ZC3H12B: variants seen among roughly 807,000 people sequenced by gnomAD.
The protein encoded by ZC3H12B is zinc finger CCCH-type containing 12B.
A neutral mutation model predicts 43.9 loss-of-function variants in ZC3H12B; 7 were observed. The observed-to-expected ratio is 0.16, with a 90% CI of 0.09 to 0.30. The LOEUF (loss-of-function observed/expected upper bound fraction) is 0.30, where lower values mean the gene tolerates loss of function less well. Ranked by LOEUF, ZC3H12B falls within the 10% of genes least tolerant of loss-of-function variation. The pLI is 1.00. For missense variants in ZC3H12B, 475 were observed against 670.2 expected, an observed-to-expected ratio of 0.71 and a Z score of 3.22; for synonymous variants, 222 against 241.7, an observed-to-expected ratio of 0.92 and a Z score of 0.76.
the ZC3H12B span, among the ~76,000 whole-genome samples, chrX:65,195,889 G>A: frequency 8.9e-6 from 1 of 112,087 alleles, no homozygotes; most frequent in African/African-American, 3.2e-5. Context: ...CTGGAACCTG[G>A]CCTTTAATCT....
chrX:65,434,326 G>C (rs1375605751), intron 3 of ZC3H12B, among the ~76,000 whole-genome samples: 1 of 112,020 alleles, frequency 8.9e-6, no homozygotes, highest in Admixed American at 9.5e-5. Context: ...GGTTTTAAGT[G>C]ACAAATCCAC....
the ZC3H12B span, among the ~76,000 whole-genome samples, chrX:65,273,853 A>T: frequency 9.4e-4 from 106 of 112,630 alleles, no homozygotes; most frequent in African/African-American, 3.3e-3. Context: ...TGCCAAAACT[A>T]AACTTCAGAA....
chrX:65,181,751 A>C, the ZC3H12B span, among the ~76,000 whole-genome samples: 5 of 112,089 alleles, frequency 4.5e-5, no homozygotes, highest in Non-Finnish European at 9.4e-5. Context: ...GTTAGGAAAC[A>C]ACAGATGCTG....
At chrX:65,155,720 C>T in the ZC3H12B span, among the ~76,000 whole-genome samples, 2 of 110,589 alleles carry the variant, frequency 1.8e-5, no homozygotes, top group Admixed American at 9.7e-5. Context: ...ATTAGCCAGG[C>T]GTGGTGGCAG....
chrX:65,465,375 A>AT (rs949325359), intron 3 of ZC3H12B, among the ~76,000 whole-genome samples: 9 of 110,929 alleles, frequency 8.1e-5, no homozygotes, highest in Non-Finnish European at 1.3e-4. Flanking sequence ...CTCTAGTAAC[A>AT]TTTTTTTCTC....
chrX:65,353,671 C>T, the ZC3H12B span, among the ~76,000 whole-genome samples: 4 of 112,109 alleles, frequency 3.6e-5, no homozygotes, highest in African/African-American at 1.3e-4. Flanking sequence ...TCTAGATCAG[C>T]GGATCCCATC....
intron 2 of ZC3H12B, among the ~76,000 whole-genome samples, chrX:65,379,171 A>C (rs1036885501): frequency 8.9e-6 from 1 of 111,960 alleles, no homozygotes; most frequent in South Asian, 3.7e-4. Flanking sequence ...GACAAACAAA[A>C]AGACAACAGT....
At chrX:65,319,017 TAGAGAAACA>T in the ZC3H12B span, among the ~76,000 whole-genome samples, 8 of 110,912 alleles carry the variant, frequency 7.2e-5, no homozygotes, top group Non-Finnish European at 1.5e-4. Flanking sequence ...CTAGAGGACC[TAGAGAAACA>T]AGAGAAAACA....
chrX:65,077,468 CA>C, the ZC3H12B span, among the ~76,000 whole-genome samples: 2 of 112,147 alleles, frequency 1.8e-5, no homozygotes, highest in Non-Finnish European at 3.8e-5. Flanking sequence ...TGTGAGCTGT[CA>C]GTGTCCTAGT....
chrX:65,348,339 G>T, the ZC3H12B span, among the ~76,000 whole-genome samples: 1 of 111,438 alleles, frequency 9.0e-6, no homozygotes. Flanking sequence ...CACCAGGCCT[G>T]CCTTACAAGA....
chrX:65,370,863 C>T (rs141498696), intron 2 of ZC3H12B, among the ~76,000 whole-genome samples: 1,743 of 111,762 alleles, frequency 0.016, 17 homozygotes, highest in Non-Finnish European at 0.024. Context: ...CCCAACAGGA[C>T]CATTTAGGTA....
At chrX:65,104,934 A>G in the ZC3H12B span, among the ~76,000 whole-genome samples, 2 of 111,908 alleles carry the variant, frequency 1.8e-5, no homozygotes, top group African/African-American at 3.2e-5. Flanking sequence ...AAATCATTCT[A>G]CTATAAAGAC....
At chrX:65,104,819 G>T in the ZC3H12B span, among the ~76,000 whole-genome samples, 1 of 111,779 alleles carries the variant, frequency 8.9e-6, no homozygotes, top group Non-Finnish European at 1.9e-5. Flanking sequence ...GTGTAAATTA[G>T]TTCAACCATT....
the ZC3H12B span, among the ~76,000 whole-genome samples, chrX:65,074,202 T>C: frequency 3.6e-5 from 4 of 111,727 alleles, no homozygotes; most frequent in South Asian, 1.5e-3. Flanking sequence ...CTTTTGTTTA[T>C]ATGAGAAATC....
chrX:65,417,268 T>C (rs1471914719), intron 3 of ZC3H12B, among the ~76,000 whole-genome samples: 1 of 112,424 alleles, frequency 8.9e-6, no homozygotes, highest in Non-Finnish European at 1.9e-5. Context: ...GTTTTTATTT[T>C]ATTTTGTTTT....
the ZC3H12B span, among the ~76,000 whole-genome samples, chrX:65,066,658 G>T: frequency 2.0e-4 from 22 of 112,035 alleles, no homozygotes; most frequent in Admixed American, 9.4e-5. Context: ...CCTTAGCACA[G>T]CTCGAGTGCT....
chrX:65,468,789 G>T (rs1370559348), intron 3 of ZC3H12B, among the ~76,000 whole-genome samples: 2 of 108,824 alleles, frequency 1.8e-5, no homozygotes, highest in Non-Finnish European at 3.8e-5. Context: ...GAAAAACGAT[G>T]TTGGTATTTT....
At chrX:65,489,492 A>C in intron 1 of ZC3H12B, 83 bp downstream of exon 6, 2 of 1,045,773 alleles carry the variant, frequency 1.9e-6, no homozygotes, top group Non-Finnish European at 2.5e-6. Context: ...AATCATTATA[A>C]GAGGAGCATG....
chrX:65,163,971 A>G, the ZC3H12B span, among the ~76,000 whole-genome samples: 3 of 112,283 alleles, frequency 2.7e-5, no homozygotes, highest in East Asian at 5.6e-4. Context: ...TTATTTGATT[A>G]TTAAATCTAT....
Sources: allele counts gnomAD v4.1 joint callset (sites outside exome capture counted in the v4.1 genomes callset), GRCh38; gene constraint gnomAD v4.1.1; transcripts MANE v1.5; gene names NCBI Gene and HGNC (gene_info 2026-07-23, HGNC 2026-07-21).